The following COL2A1 variants were observed in gnomAD, a reference collection of about 807,000 sequenced individuals.
COL2A1 encodes collagen type II alpha 1 chain.
COL2A1 carries 28 observed loss-of-function variants against 204.5 expected under a neutral mutation model. That is an observed-to-expected ratio of 0.14 (90% confidence interval 0.10 to 0.19). COL2A1 has a LOEUF of 0.19. Among genes scored for constraint, COL2A1 ranks in the 10% least tolerant of loss-of-function variants. The pLI is 1.00. For missense variants in COL2A1, 1,388 were observed against 2,027.5 expected, an observed-to-expected ratio of 0.68 and a Z score of 6.06; for synonymous variants, 708 against 718.7, an observed-to-expected ratio of 0.99 and a Z score of 0.24.
Position 47,980,738 on chromosome 12 carries a change from CTG to C in COL2A1, c.2518-79_2518-78del. ...AGCTCTTCCAGAAGAGCAGGAGACT[CTG>C]TGAGTATCTGCGTGTGTGTCCTGGT... On this transcript the variant is annotated intron_variant, in intron 38 of 53. Transcript: ENST00000380518. This position sits in a 1 kb window ranked among gnomAD's most constrained non-coding sequence, Gnocchi z 4.5. 3.2e-5 allele frequency: 47 copies of C among 1,446,446 alleles called. No individual in the cohort carries two copies. Among genetic ancestry groups the C allele is most frequent in the Non-Finnish European group, 4.2e-5 (44 of 1,049,412 alleles). 89.6% of individuals were successfully genotyped at this position (1,446,446 alleles called of 1,614,324 possible).
At chr12:47,989,453 C>G (rs1939596232) in intron 17 of COL2A1, among the ~76,000 whole-genome samples, 172 bp from the exon 18 acceptor site, 1 of 152,214 alleles carries the variant, frequency 6.6e-6, no homozygotes, top group Admixed American at 6.5e-5. Context: ...CCCCAGGAAA[C>G]TTTGCCTGGC....
chr12:47,977,719 A>C (rs949708401), intron 44 of COL2A1, 66 bp from the exon 45 acceptor site: 2 of 1,539,264 alleles, frequency 1.3e-6, no homozygotes, highest in Non-Finnish European at 8.9e-7. Context: ...CTGCTCCCCC[A>C]GCCCCTCTCA....
chr12:47,986,382 C>T lies in COL2A1; in HGVS notation c.1481G>A (p.Arg494His), dbSNP rs766574999. ...PAGEEGKRGA[R>H]GEPGGVGPIG... ...GGGCCCAACGCCACCAGGCTCTCCA[C>T]GGGCACCTCTCTTGCCTTCTTCACC... Residue 494 changes from arginine to histidine, a missense_variant, in exon 23 of 54, where the codon CGT becomes CAT. Physicochemically the swap from Arg to His is conservative, Grantham distance 29 (BLOSUM62 0). Around this residue, in one of 3 missense-constraint regions of COL2A1, gnomAD observed 884 missense variants for 1,415.8 expected, o/e 0.62. Transcript: ENST00000380518. 1.4e-5 allele frequency: 22 copies of T among 1,570,410 alleles called. No homozygotes were observed. The highest frequency in any genetic ancestry group is 4.7e-5 in the East Asian group (2 of 42,412).
At chr12:47,979,907 G>A (rs1211744138) in intron 40 of COL2A1, 102 bp downstream of exon 40, 64 of 1,095,104 alleles carry the variant, frequency 5.8e-5, no homozygotes, top group East Asian at 3.7e-4. Flanking sequence ...ACGCAGGGCT[G>A]GGAAAACAGT....
At position 48,004,394 on chromosome 12, in the gene COL2A1, C is replaced by A; in HGVS notation, c.-73G>T. On this transcript the variant is annotated 5_prime_UTR_variant, in exon 1 of 54. Transcript: ENST00000380518. ...AAACGGCAGGAGCACGGCGCGGGTC[C>A]GGGTCTCTACCGCGCCCTCATGCAG... The A allele has an allele frequency of 1.1e-6, 1 of 892,622 alleles. No individual in the cohort carries two copies. Among genetic ancestry groups the A allele is most frequent in the Admixed American group, 2.2e-5 (1 of 46,192 alleles). 55.3% of individuals were successfully genotyped at this position (892,622 alleles called of 1,614,324 possible).
chr12:47,986,805 G>A (rs372926613), intron 22 of COL2A1, 30 bp downstream of exon 22: 28 of 1,613,740 alleles, frequency 1.7e-5, no homozygotes, highest in Middle Eastern at 1.6e-4. Flanking sequence ...CAGCAGCAGA[G>A]AAGACAAGGG....
chr12:47,986,919 A>T, intron 21 of COL2A1, 31 bp from the exon 22 acceptor site: 2 of 1,613,826 alleles, frequency 1.2e-6, no homozygotes, highest in Non-Finnish European at 1.7e-6. Context: ...CTCACACCAG[A>T]TTCTCTCCAG....
chr12:47,975,705 C>CCCCA, intron 50 of COL2A1, 100 bp from the exon 51 acceptor site: 1 of 1,349,908 alleles, frequency 7.4e-7, no homozygotes, highest in Non-Finnish European at 1.0e-6. Flanking sequence ...CTCTTCCCAG[C>CCCCA]CCCATGGGTG....
chr12:47,977,035 C>T (rs1938746675), intron 47 of COL2A1, 67 bp downstream of exon 47: 3 of 1,562,118 alleles, frequency 1.9e-6, no homozygotes, highest in Non-Finnish European at 2.6e-6. Flanking sequence ...CAGGAACCAC[C>T]TGGAGGCTGG....
rs1453444167 is a variant in COL2A1, at chr12:47,978,122, A to G, written c.3004-5T>C. On this transcript the variant is annotated splice_region_variant and splice_polypyrimidine_tract_variant and intron_variant, in intron 43 of 53. Transcript: ENST00000380518. The surrounding 1 kb of genome is among the most constrained non-coding windows in gnomAD (Gnocchi z 5.5). ...ACCCTGCTTGCCGGGCTCACCCTGG[A>G]GGGACAGAGACAAGGATGATGAGTG... 6.2e-7 allele frequency: 1 copy of G among 1,611,504 alleles called. No homozygotes were observed. Among genetic ancestry groups the G allele is most frequent in the South Asian group, 1.1e-5 (1 of 90,538 alleles).
At position 47,987,411 on chromosome 12, in the gene COL2A1, T is replaced by A; in HGVS notation, c.1222-98A>T. On this transcript the variant is annotated intron_variant, in intron 19 of 53. Coordinates refer to ENST00000380518, the MANE Select transcript of COL2A1 (RefSeq NM_001844.5). The surrounding 1 kb of genome is among the most constrained non-coding windows in gnomAD (Gnocchi z 4.1). ...ATCCAGGGACCTGGCATAGGTGCTG[T>A]CCATTTCAGGGACATTCCCACTATG... is the stretch of plus-strand genomic sequence containing the variant. The A allele has an allele frequency of 7.5e-7, 1 of 1,328,618 alleles. No individual in the cohort carries two copies. Among genetic ancestry groups the A allele is most frequent in the Non-Finnish European group, 1.1e-6 (1 of 931,120 alleles). The allele number at this position is 1,328,618 out of a possible 1,614,324, so 82.3% of individuals were successfully genotyped here. A position where few individuals can be genotyped will look rare whatever the true frequency, so the allele number is the denominator to read the frequency against.
At position 47,978,676 on chromosome 12, in the gene COL2A1, C is replaced by G. The variant is rs1195861128; in HGVS notation, c.2816G>C (p.Gly939Ala). 1 of 1,613,210 alleles carries G rather than the reference C, an allele frequency of 6.2e-7. No homozygotes were observed. Among genetic ancestry groups the G allele is most frequent in the African/African-American group, 1.3e-5 (1 of 74,900 alleles). The change falls in exon 42 of 54, where the codon GGC (glycine) becomes GCC (alanine). Residue 939 changes from glycine (G) to alanine (A), a missense_variant. By Grantham distance (60) the Gly-to-Ala change is moderately conservative. Coordinates refer to ENST00000380518, the MANE Select transcript of COL2A1 (RefSeq NM_001844.5). This position sits in a 1 kb window ranked among gnomAD's most constrained non-coding sequence, Gnocchi z 5.5. ...TTGGAGGCCGGGTTCACCAGCTCGG[C>G]CAGGGGGGCCGCTGTCTCCTCGAGC... is the stretch of plus-strand genomic sequence containing the variant. ...KGARGDSGPP[G>A]RAGEPGLQGP... is the part of the protein sequence containing the mutation.
intron 16 of COL2A1, 68 bp downstream of exon 16, chr12:47,992,810 A>T (rs770638267): frequency 5.2e-6 from 8 of 1,535,008 alleles, no homozygotes; most frequent in African/African-American, 1.4e-5. Context: ...TCGAGGGTCA[A>T]GAGAAACAAA....
Position 47,974,316 on chromosome 12 carries a change from C to T in COL2A1, c.4090G>A (p.Asp1364Asn), listed in dbSNP as rs374577959. The stretch of plus-strand genomic sequence containing the variant: ...TTGGCAGTGTTGGGAGCCAGATTGT[C>T]ATCTCCATAGCTGAACTGTTGGGGC... Reference protein sequence around the residue: ...NGGFHFSYGDDNLAPNTANVQ... With the variant: ...NGGFHFSYGDNNLAPNTANVQ... Residue 1364 changes from aspartate to asparagine, a missense_variant, in exon 53 of 54, where the codon GAC (aspartate) becomes AAC (asparagine). By Grantham distance (23) the Asp-to-Asn change is conservative (BLOSUM62 1). Coordinates refer to ENST00000380518, the MANE Select transcript of COL2A1 (RefSeq NM_001844.5). The T allele has an allele frequency of 1.2e-6, 2 of 1,613,898 alleles. No individual in the cohort carries two copies. The highest frequency in any genetic ancestry group is 1.3e-5 in the African/African-American group (1 of 74,896).
intron 8 of COL2A1, 146 bp downstream of exon 8, chr12:47,996,402 T>G: frequency 2.6e-6 from 2 of 782,178 alleles, no homozygotes; most frequent in South Asian, 2.8e-5. Flanking sequence ...CCAAATGCTT[T>G]GGGCTAGCTG....
At position 47,983,437 on chromosome 12, in the gene COL2A1, C is replaced by T. The variant is rs774039842; in HGVS notation, c.1997G>A (p.Gly666Glu). ...TGGGGGACCAGGAGGGCCAGGAAGT[C>T]CCTAGAAGCCGAAGTGACAAGCGTT... ...QGAPGPSGFQ[G>E]LPGPPGPPGE... The change falls in exon 31 of 54, where the codon GGA (glycine) becomes GAA (glutamate). Residue 666 changes from glycine (G) to glutamate (E), a missense_variant and splice_region_variant. By Grantham distance (98) the Gly-to-Glu change is moderately conservative (BLOSUM62 -2). Coordinates refer to ENST00000380518, the MANE Select transcript of COL2A1 (RefSeq NM_001844.5). 1 of 1,614,076 alleles carries T rather than the reference C, an allele frequency of 6.2e-7. No individual in the cohort carries two copies. The highest frequency in any genetic ancestry group is 8.5e-7 in the Non-Finnish European group (1 of 1,179,994).
chr12:47,984,201 T>A, intron 28 of COL2A1, 61 bp from the exon 29 acceptor site: 1 of 1,499,558 alleles, frequency 6.7e-7, no homozygotes, highest in Non-Finnish European at 9.2e-7. Context: ...GCAGTCCCCC[T>A]AGGATTGGGC....
At chr12:47,986,970 C>T (rs1388338295) in intron 21 of COL2A1, 82 bp from the exon 22 acceptor site, 30 of 1,594,318 alleles carry the variant, frequency 1.9e-5, no homozygotes, top group African/African-American at 1.6e-4. Context: ...AAGATGCCCT[C>T]GGATGGAGGC....
intron 8 of COL2A1, 125 bp downstream of exon 8, chr12:47,996,423 T>A (rs911304986): frequency 1.2e-6 from 1 of 858,292 alleles, no homozygotes; most frequent in Non-Finnish European, 2.0e-6. Flanking sequence ...AATGGGAGGT[T>A]ACATAACTAC....
Sources: allele counts gnomAD v4.1 joint callset (sites outside exome capture counted in the v4.1 genomes callset), GRCh38; gene constraint gnomAD v4.1.1; regional missense constraint gnomAD v4.1.1; non-coding constraint Gnocchi (gnomAD v3.1); transcripts MANE v1.5; gene names NCBI Gene and HGNC (gene_info 2026-07-23, HGNC 2026-07-21).